The following RFFL variants were observed in gnomAD, a reference collection of about 807,000 sequenced individuals.
RFFL encodes E3 ubiquitin-protein ligase rififylin.
Under a neutral mutation model 40.4 loss-of-function variants are expected in RFFL, and 16 were observed. That is an observed-to-expected ratio of 0.40 (90% CI 0.27 to 0.60). The LOEUF (loss-of-function observed/expected upper bound fraction) is 0.60. RFFL is among the 20% of genes least tolerant of loss of function. RFFL has a pLI of 0.47. For missense variants in RFFL, 367 were observed against 451.7 expected, an observed-to-expected ratio of 0.81 and a Z score of 1.70; for synonymous variants, 154 against 167.9, an observed-to-expected ratio of 0.92 and a Z score of 0.64.
chr17:35,071,401 T>G (rs1474298626), intron 1 of RFFL, among the ~76,000 whole-genome samples: 2 of 151,854 alleles, frequency 1.3e-5, no homozygotes, highest in African/African-American at 2.4e-5. Context: ...GCAGATCACT[T>G]GAGGTCAGGA....
chr17:35,059,044 G>A (rs1163416037), intron 1 of RFFL, among the ~76,000 whole-genome samples: 6 of 135,682 alleles, frequency 4.4e-5, no homozygotes, highest in African/African-American at 1.1e-4. Context: ...TTTTTGAGAC[G>A]GTCTCGCTCT....
At chr17:35,050,255 A>G (rs746527919) in intron 1 of RFFL, among the ~76,000 whole-genome samples, 23 of 151,722 alleles carry the variant, frequency 1.5e-4, no homozygotes, top group Non-Finnish European at 2.8e-4. Flanking sequence ...AAAAATAAAA[A>G]TTAAAAAATA....
At chr17:35,037,617 A>G (rs910979379) in intron 1 of RFFL, among the ~76,000 whole-genome samples, 1 of 152,184 alleles carries the variant, frequency 6.6e-6, no homozygotes, top group Non-Finnish European at 1.5e-5. Context: ...GGCAAGGTAG[A>G]TTAGTTCTTC....
chr17:35,064,097 C>T (rs1174669920), upstream of RFFL, among the ~76,000 whole-genome samples: 3 of 152,192 alleles, frequency 2.0e-5, no homozygotes, highest in Non-Finnish European at 4.4e-5. Context: ...AGTCACTTTG[C>T]ATTTACAAAT....
At chr17:35,085,351 T>C (rs1323929018) in intron 1 of RFFL, among the ~76,000 whole-genome samples, 2 of 152,204 alleles carry the variant, frequency 1.3e-5, no homozygotes, top group Admixed American at 1.3e-4. Context: ...AGACTTTCTA[T>C]TAGTAGAGAG....
chr17:35,088,797 A>T (rs907828119), intron 1 of RFFL: 2 of 151,836 alleles, frequency 1.3e-5, no homozygotes, highest in Non-Finnish European at 2.9e-5. Context: ...AGCCAACTAG[A>T]CCTGCCGGTC....
chr17:35,048,149 T>G (rs2091211008), intron 1 of RFFL, among the ~76,000 whole-genome samples: 1 of 151,858 alleles, frequency 6.6e-6, no homozygotes, highest in South Asian at 2.1e-4. Context: ...ATGCCTGTAA[T>G]CCCAGAACTT....
intron 1 of RFFL, among the ~76,000 whole-genome samples, chr17:35,043,794 A>G (rs1313782896): frequency 6.6e-6 from 1 of 152,184 alleles, no homozygotes; most frequent in Non-Finnish European, 1.5e-5. Context: ...ATCCTACAAA[A>G]ATCAGAATTA....
chr17:35,074,227 C>T (rs1459733423), intron 1 of RFFL: 1 of 152,146 alleles, frequency 6.6e-6, no homozygotes, highest in Non-Finnish European at 1.5e-5. Flanking sequence ...ATAAAAGACA[C>T]ATTGTTTTCA....
intron 1 of RFFL, among the ~76,000 whole-genome samples, chr17:35,029,558 T>C (rs1462266936): frequency 1.3e-5 from 2 of 148,924 alleles, no homozygotes; most frequent in African/African-American, 5.0e-5. Context: ...TCTTGCCCTG[T>C]CGCCCAGGCT....
At chr17:35,021,814 C>T in intron 2 of RFFL, 33 bp from the exon 3 acceptor site, 1 of 1,611,536 alleles carries the variant, frequency 6.2e-7, no homozygotes, top group Non-Finnish European at 8.5e-7. Flanking sequence ...GAAACCATGT[C>T]AGATTGAGAG....
At position 35,021,400 on chromosome 17, in the gene RFFL, G is replaced by A. The variant is rs183979643; in HGVS notation, c.562C>T (p.Pro188Ser). 2.6e-6 allele frequency: 4 copies of A among 1,524,750 alleles called. No individual in the cohort carries two copies. The African/African-American group carries it at 5.6e-5, about 21-fold the overall frequency. The allele number at this position is 1,524,750 out of a possible 1,614,324, so 94.5% of individuals were successfully genotyped here. A position where few individuals can be genotyped will look rare whatever the true frequency, so the allele number is the denominator to read the frequency against. ...PSSSAQATSVPPAQVQENQQA... is the reference protein window; with the variant it reads ...PSSSAQATSVSPAQVQENQQA... ...TGATTCTCCTGAACCTGGGCTGGGG[G>A]AACAGAGGTGGCTTGTGCAGATGAA... Residue 188 changes from proline (P) to serine (S), a missense_variant, in exon 3 of 7, where the codon CCC becomes TCC. Transcript: ENST00000394597.
chr17:35,039,879 C>T (rs562362827), intron 1 of RFFL, among the ~76,000 whole-genome samples: 2 of 151,652 alleles, frequency 1.3e-5, no homozygotes, highest in Non-Finnish European at 2.9e-5. Context: ...TTCTCCATGT[C>T]GGTCAGACTG....
intron 3 of RFFL, among the ~76,000 whole-genome samples, chr17:35,019,565 G>GT (rs1408778310): frequency 6.6e-6 from 1 of 151,574 alleles, no homozygotes; most frequent in African/African-American, 2.4e-5. Flanking sequence ...GTAGAGACAG[G>GT]TTTTTGCCAT....
chr17:35,025,649 C>T (rs2091036433), intron 2 of RFFL, among the ~76,000 whole-genome samples: 1 of 152,226 alleles, frequency 6.6e-6, no homozygotes, highest in South Asian at 2.1e-4. Context: ...GCAAACCTCT[C>T]ATTCTGCAGA....
chr17:35,060,686 C>G (rs112902879), intron 1 of RFFL, among the ~76,000 whole-genome samples: 1 of 152,158 alleles, frequency 6.6e-6, no homozygotes, highest in African/African-American at 2.4e-5. Flanking sequence ...GTAACACATA[C>G]AAAATAAGCA....
intron 1 of RFFL, chr17:35,036,271 T>C (rs188120875): frequency 5.3e-5 from 8 of 152,336 alleles, no homozygotes; most frequent in African/African-American, 1.7e-4. Flanking sequence ...GTGGAACTAA[T>C]TGTGAGGTGT....
In RFFL at chr17:35,032,319, A is replaced by G. The variant is rs76233340; in HGVS notation, c.-8-5758T>C. Among the ~76,000 whole-genome samples, 17 of 152,166 alleles carry G rather than the reference A, an allele frequency of 1.1e-4. No homozygotes were observed. The East Asian group carries it at 3.3e-3, about 29-fold the overall frequency. On this transcript the variant is annotated intron_variant, in intron 1 of 6. Transcript: ENST00000394597. Reference sequence around the variant, plus strand: ...CACACTTATAAGCAGTGTGTGGGACAGATCAGCAAGGGGCCAGCTGGAAGC... The same window carrying G: ...CACACTTATAAGCAGTGTGTGGGACGGATCAGCAAGGGGCCAGCTGGAAGC...
In RFFL at chr17:35,012,115, C is replaced by T; in HGVS notation, c.945G>A (p.Leu315=). The change falls in exon 7 of 7, where the codon CTG becomes CTA. Residue 315 remains leucine, a synonymous_variant. Coordinates refer to ENST00000394597, the MANE Select transcript of RFFL (RefSeq NM_001017368.2). ...GAVPSGLEEN[L]CKICMDSPID... ...TGGGTGAGTCCATGCAGATCTTACA[C>T]AGGTTCTCCTCCAAGCCTGATGGTA... The T allele has an allele frequency of 6.2e-7, 1 of 1,614,156 alleles. No individual in the cohort carries two copies. Among genetic ancestry groups the T allele is most frequent in the Non-Finnish European group, 8.5e-7 (1 of 1,180,032 alleles).
Sources: allele counts gnomAD v4.1 joint callset (sites outside exome capture counted in the v4.1 genomes callset), GRCh38; gene constraint gnomAD v4.1.1; transcripts MANE v1.5; gene names NCBI Gene and HGNC (gene_info 2026-07-23, HGNC 2026-07-21).